CELF2: variants seen among roughly 807,000 people sequenced by gnomAD.
CELF2 encodes the protein CUGBP Elav-like family member 2, also known as CUG triplet repeat RNA-binding protein 2.
A neutral mutation model predicts 62.6 loss-of-function variants in CELF2; 8 were observed. The observed-to-expected ratio is 0.13, with a 90% CI of 0.07 to 0.23. CELF2 has a LOEUF of 0.23. Among genes scored for constraint, CELF2 ranks in the 10% least tolerant of loss-of-function variants. The probability of loss-of-function intolerance (pLI) is 1.00; values close to 1 mark genes in which losing one functional copy is unlikely to be tolerated. For synonymous variants in CELF2, 258 were observed against 250.0 expected (o/e 1.03, Z -0.30); for missense variants, 333 against 671.0 (o/e 0.50, Z 5.56).
the CELF2 span, among the ~76,000 whole-genome samples, chr10:10,721,596 A>T: frequency 6.6e-6 from 1 of 152,148 alleles, no homozygotes; most frequent in Non-Finnish European, 1.5e-5. Context: ...TGCAATAAAT[A>T]TTTTCTTGAA....
chr10:10,475,500 C>G, the CELF2 span, among the ~76,000 whole-genome samples: 1 of 151,146 alleles, frequency 6.6e-6, no homozygotes, highest in East Asian at 1.9e-4. Context: ...AAGTAATTTT[C>G]TACTTCCAGA....
chr10:11,299,970 TAGG>T (rs900702287), intron 9 of CELF2, among the ~76,000 whole-genome samples: 7 of 152,318 alleles, frequency 4.6e-5, no homozygotes, highest in Admixed American at 2.6e-4. Context: ...GCCCCGCTCG[TAGG>T]AGATCCCTGT....
chr10:11,331,342 AG>A lies in CELF2; in HGVS notation c.*2292del, dbSNP rs905588010. The A allele has an allele frequency of 1.3e-5, 2 of 149,172 alleles. No homozygotes were observed. Among genetic ancestry groups the A allele is most frequent in the Non-Finnish European group, 3.0e-5 (2 of 67,272 alleles). 9.2% of individuals were successfully genotyped at this position (149,172 alleles called of 1,614,324 possible). ...GTTTGCTTAAAAAAAATTTCATGTG[AG>A]GGAAAAAAAAAAAACCTATTCCAGA... On this transcript the variant is annotated 3_prime_UTR_variant, in exon 13 of 13. Coordinates refer to ENST00000633077, the MANE Select transcript of CELF2 (RefSeq NM_001326342.2).
At chr10:11,184,736 TATTG>T (rs2074371190) in intron 2 of CELF2, among the ~76,000 whole-genome samples, 1 of 152,248 alleles carries the variant, frequency 6.6e-6, no homozygotes, top group African/African-American at 2.4e-5. Flanking sequence ...GATTTTTGTG[TATTG>T]ATTATGTATC....
intron 7 of CELF2, among the ~76,000 whole-genome samples, chr10:11,273,336 C>T (rs1441134027): frequency 6.6e-6 from 1 of 152,092 alleles, no homozygotes; most frequent in Non-Finnish European, 1.5e-5. Flanking sequence ...TCAGCGGCAG[C>T]CTTGGAATCT....
intron 3 of CELF2, among the ~76,000 whole-genome samples, chr10:11,221,445 A>G (rs752164193): frequency 1.3e-5 from 2 of 152,224 alleles, no homozygotes; most frequent in Non-Finnish European, 2.9e-5. Flanking sequence ...AGGCCCAGAA[A>G]AACTACCAAG....
At chr10:10,977,141 T>C (rs2051444191) in intron 2 of CELF2, among the ~76,000 whole-genome samples, 1 of 152,002 alleles carries the variant, frequency 6.6e-6, no homozygotes, top group African/African-American at 2.4e-5. Flanking sequence ...TAGCCACAGG[T>C]GGATTCCAGA....
At chr10:10,885,100 G>A (rs1301195332) in intron 1 of CELF2, among the ~76,000 whole-genome samples, 1 of 152,058 alleles carries the variant, frequency 6.6e-6, no homozygotes, top group African/African-American at 2.4e-5. Flanking sequence ...AACATTAGCT[G>A]AGCGTGGTGG....
chr10:10,473,282 G>A, the CELF2 span, among the ~76,000 whole-genome samples: 1 of 151,892 alleles, frequency 6.6e-6, no homozygotes, highest in African/African-American at 2.4e-5. Flanking sequence ...AGAGTTACAT[G>A]CCACTGCAAG....
the CELF2 span, among the ~76,000 whole-genome samples, chr10:10,735,186 G>A: frequency 4.6e-5 from 7 of 152,244 alleles, no homozygotes; most frequent in Middle Eastern, 3.4e-3. Context: ...AGTAACATCA[G>A]GATCCGAATG....
chr10:10,588,015 T>A, the CELF2 span, among the ~76,000 whole-genome samples: 1 of 117,750 alleles, frequency 8.5e-6, no homozygotes, highest in Non-Finnish European at 1.7e-5. Flanking sequence ...GGTAAAGATG[T>A]AATTTTTTTT....
chr10:11,151,251 C>A lies in CELF2; in HGVS notation c.75-14235C>A, dbSNP rs368160518. Among the ~76,000 whole-genome samples the A allele has an allele frequency of 2.6e-5, 4 of 152,304 alleles. No individual in the cohort carries two copies. The East Asian group carries it at 5.8e-4, about 22-fold the overall frequency. ...CCTTATGGCTTTTCCTGTATATTCC[C>A]TGGATTCAGCTTACCACTTTGGCCC... On this transcript the variant is annotated intron_variant, in intron 1 of 12. Coordinates refer to ENST00000633077, the MANE Select transcript of CELF2 (RefSeq NM_001326342.2).
the CELF2 span, among the ~76,000 whole-genome samples, chr10:10,666,873 A>AT: frequency 4.0e-5 from 3 of 75,116 alleles, no homozygotes; most frequent in Non-Finnish European, 5.1e-5. Context: ...AAAAAAAAAA[A>AT]AAAAAAGAAA....
the CELF2 span, among the ~76,000 whole-genome samples, chr10:10,712,167 A>C: frequency 2.7e-5 from 4 of 148,844 alleles, no homozygotes; most frequent in African/African-American, 5.1e-5. Flanking sequence ...AAAAAAAAAA[A>C]AAAAAACTGG....
chr10:10,636,258 A>G, the CELF2 span, among the ~76,000 whole-genome samples: 1 of 152,230 alleles, frequency 6.6e-6, no homozygotes, highest in Non-Finnish European at 1.5e-5. Flanking sequence ...AACAAAGCTA[A>G]TATTTGGCTT....
At chr10:10,961,476 G>A (rs1028926777) in intron 2 of CELF2, among the ~76,000 whole-genome samples, 15 of 152,198 alleles carry the variant, frequency 9.9e-5, no homozygotes, top group African/African-American at 3.6e-4. Flanking sequence ...CAGGTGCGGT[G>A]GCTTACATGC....
chr10:11,142,390 A>ATGGGC (rs374541254), intron 1 of CELF2, among the ~76,000 whole-genome samples: 1,673 of 148,536 alleles, frequency 0.011, 26 homozygotes, highest in African/African-American at 0.041. Flanking sequence ...TTAAAAGTGG[A>ATGGGC]TGGGCTGGGC....
In CELF2 at chr10:11,039,534, A is replaced by C. The variant is rs2061480251; in HGVS notation, c.74+21371A>C. ...GAGTTAATTATTTACTTCACAAGAC[A>C]CTGCTTGTCCCATGTTTGCCCACGT... On this transcript the variant is annotated intron_variant, in intron 1 of 12. Transcript: ENST00000633077. This position sits in a 1 kb window ranked among gnomAD's most constrained non-coding sequence, Gnocchi z 4.1. Among the ~76,000 whole-genome samples the C allele has an allele frequency of 6.6e-6, 1 of 152,190 alleles. No homozygotes were observed. Among genetic ancestry groups the C allele is most frequent in the Non-Finnish European group, 1.5e-5 (1 of 68,034 alleles).
intron 1 of CELF2, among the ~76,000 whole-genome samples, chr10:11,027,275 T>A (rs1201415932): frequency 6.6e-6 from 1 of 152,210 alleles, no homozygotes; most frequent in Admixed American, 6.5e-5. Flanking sequence ...CACCACAAGC[T>A]CATGTTTTCC....
Sources: gnomAD v4.1 joint callset for allele counts (sites outside exome capture counted in the v4.1 genomes callset) on GRCh38, gnomAD v4.1.1 for gene constraint, Gnocchi (gnomAD v3.1) non-coding constraint, MANE v1.5 for transcripts, NCBI Gene and HGNC (gene_info 2026-07-23, HGNC 2026-07-21) for gene names.